Variants in EXOC4 observed in about 807,000 individuals in gnomAD.
The protein encoded by EXOC4 is SEC8-like 1.
EXOC4 carries 71 observed loss-of-function variants against 107.2 expected under a neutral mutation model. The observed-to-expected ratio is 0.66, with a 90% confidence interval of 0.55 to 0.81. The LOEUF (loss-of-function observed/expected upper bound fraction) is 0.81, where lower values mean the gene tolerates loss of function less well. Among genes scored for constraint, EXOC4 ranks in the 30% least tolerant of loss-of-function variants. The pLI, the probability that EXOC4 is intolerant of heterozygous loss-of-function variation, is 0.00. For missense variants in EXOC4, 1,108 were observed against 1,189.6 expected (o/e 0.93, Z 1.01); for synonymous variants, 456 against 441.2 (o/e 1.03, Z -0.42).
chr7:133,617,707 T>C (rs1802227946), intron 9 of EXOC4, among the ~76,000 whole-genome samples: 1 of 151,980 alleles, frequency 6.6e-6, no homozygotes, highest in South Asian at 2.1e-4. Context: ...CCACCTCCTA[T>C]AAGAGACTAA....
chr7:133,782,029 A>G (rs1796479253), intron 10 of EXOC4, among the ~76,000 whole-genome samples: 1 of 152,188 alleles, frequency 6.6e-6, no homozygotes, highest in Admixed American at 6.5e-5. Context: ...TCGTTTTGTG[A>G]GATGAATACA....
intron 13 of EXOC4, among the ~76,000 whole-genome samples, chr7:133,925,976 T>C (rs185656837): frequency 1.3e-5 from 2 of 150,336 alleles, no homozygotes; most frequent in East Asian, 2.0e-4. Flanking sequence ...GAGGCGGAAG[T>C]TGCAGTGAGC....
chr7:133,851,489 G>A (rs1157595434), intron 11 of EXOC4, among the ~76,000 whole-genome samples: 1 of 152,196 alleles, frequency 6.6e-6, no homozygotes, highest in Non-Finnish European at 1.5e-5. Flanking sequence ...TGCCAGGGTG[G>A]CATGTTTTGA....
chr7:133,877,698 T>C (rs748827957), intron 11 of EXOC4, among the ~76,000 whole-genome samples: 4 of 151,818 alleles, frequency 2.6e-5, no homozygotes, highest in Non-Finnish European at 4.4e-5. Context: ...CACAGAACAG[T>C]ACTTGGCCGA....
At chr7:133,952,953 C>T (rs1488613051) in intron 14 of EXOC4, among the ~76,000 whole-genome samples, 1 of 152,198 alleles carries the variant, frequency 6.6e-6, no homozygotes, top group Admixed American at 6.5e-5. Flanking sequence ...GCTGCTGTAA[C>T]ATGGGTGGAC....
intron 10 of EXOC4, among the ~76,000 whole-genome samples, chr7:133,725,113 T>C (rs1795186530): frequency 6.6e-6 from 1 of 152,230 alleles, no homozygotes; most frequent in Non-Finnish European, 1.5e-5. Context: ...TTGTGGTTAT[T>C]GAACACTTGA....
chr7:133,559,928 A>G (rs796705964), intron 9 of EXOC4, among the ~76,000 whole-genome samples: 55 of 152,320 alleles, frequency 3.6e-4, no homozygotes, highest in African/African-American at 1.3e-3. Flanking sequence ...CCCTGACCAT[A>G]ACCATGTGGA....
intron 10 of EXOC4, among the ~76,000 whole-genome samples, chr7:133,646,645 A>T (rs945864044): frequency 6.6e-6 from 1 of 152,086 alleles, no homozygotes; most frequent in Non-Finnish European, 1.5e-5. Flanking sequence ...CATATTTCTG[A>T]TATTATTTTA....
intron 17 of EXOC4, among the ~76,000 whole-genome samples, chr7:134,055,216 A>G (rs1795893818): frequency 6.6e-6 from 1 of 152,232 alleles, no homozygotes; most frequent in Non-Finnish European, 1.5e-5. Context: ...CAAGAACTGT[A>G]CTAGAGTCAC....
intron 15 of EXOC4, among the ~76,000 whole-genome samples, chr7:134,003,974 A>G (rs1314599475): frequency 6.6e-6 from 1 of 151,984 alleles, no homozygotes; most frequent in Non-Finnish European, 1.5e-5. Flanking sequence ...CTCCTTCCTC[A>G]AGCTGTCAGA....
intron 9 of EXOC4, among the ~76,000 whole-genome samples, chr7:133,615,381 T>G (rs541031728): frequency 5.3e-4 from 80 of 152,312 alleles, no homozygotes; most frequent in African/African-American, 1.9e-3. Context: ...TTTCCTTATC[T>G]GTAGCTTTAT....
intron 11 of EXOC4, among the ~76,000 whole-genome samples, chr7:133,853,490 T>C (rs1798284756): frequency 6.6e-6 from 1 of 152,016 alleles, no homozygotes; most frequent in Non-Finnish European, 1.5e-5. Flanking sequence ...CTCAACTTCT[T>C]GAGTAGCTGA....
At chr7:134,076,616 C>A in the EXOC4 span, among the ~76,000 whole-genome samples, 1,209 of 151,610 alleles carry the variant, frequency 8.0e-3, 15 homozygotes, top group African/African-American at 0.022. Context: ...ATATATATAT[C>A]TCTCTTTAAC....
intron 11 of EXOC4, among the ~76,000 whole-genome samples, chr7:133,842,753 G>A (rs367827346): frequency 5.9e-5 from 9 of 152,054 alleles, no homozygotes; most frequent in East Asian, 5.8e-4. Context: ...ATTTTCCAGG[G>A]TTTTTATAGT....
rs112801634 is a variant in EXOC4, at chr7:134,014,290, A to G, written c.2687+6455A>G. ...ATGGTGGCAGATGCCTGTAGTCCCA[A>G]CTACTCGGGAGGGTGAGGCAGGAGA... On this transcript the variant is annotated intron_variant, in intron 17 of 17. Coordinates refer to ENST00000253861, the MANE Select transcript of EXOC4 (RefSeq NM_021807.4). Among the ~76,000 whole-genome samples the G allele has an allele frequency of 3.7e-3, 567 of 152,136 alleles. 6 individuals carry two copies. Among genetic ancestry groups the G allele is most frequent in the African/African-American group, 0.013 (547 of 41,514 alleles).
intron 10 of EXOC4, among the ~76,000 whole-genome samples, chr7:133,781,940 C>G (rs959830465): frequency 6.6e-6 from 1 of 152,174 alleles, no homozygotes; most frequent in South Asian, 2.1e-4. Flanking sequence ...GTGTCAGAAC[C>G]AATCTCTTCT....
chr7:133,614,087 A>G (rs772801431), intron 9 of EXOC4, among the ~76,000 whole-genome samples: 8 of 152,144 alleles, frequency 5.3e-5, no homozygotes, highest in Non-Finnish European at 1.2e-4. Flanking sequence ...TAAGAAACCC[A>G]TTGAGGAAAA....
intron 10 of EXOC4, among the ~76,000 whole-genome samples, chr7:133,717,447 C>G (rs768916880): frequency 1.3e-5 from 2 of 152,202 alleles, no homozygotes; most frequent in Non-Finnish European, 1.5e-5. Flanking sequence ...TTGCCGCCCC[C>G]CAACCCGTGA....
intron 10 of EXOC4, among the ~76,000 whole-genome samples, chr7:133,810,217 A>G (rs114335104): frequency 0.012 from 1,815 of 152,320 alleles, 30 homozygotes; most frequent in African/African-American, 0.041. Context: ...TCTCTGTTAA[A>G]GGATATTTCC....
Sources: gnomAD v4.1 joint callset for allele counts (sites outside exome capture counted in the v4.1 genomes callset) on GRCh38, gnomAD v4.1.1 for gene constraint, MANE v1.5 for transcripts, NCBI Gene and HGNC (gene_info 2026-07-23, HGNC 2026-07-21) for gene names.